Variants in ST6GALNAC5 observed in about 807,000 individuals in gnomAD.
ST6GALNAC5 encodes ST6 N-acetylgalactosaminide alpha-2,6-sialyltransferase 5.
Under a neutral mutation model 33.6 loss-of-function variants are expected in ST6GALNAC5, and 27 were observed. The observed-to-expected ratio is 0.80, with a 90% CI of 0.59 to 1.11. The LOEUF (loss-of-function observed/expected upper bound fraction) is 1.11. ST6GALNAC5 is among the 50% of genes least tolerant of loss of function. The pLI is 0.00. For missense variants in ST6GALNAC5, 428 were observed against 454.0 expected (o/e 0.94, Z 0.52); for synonymous variants, 194 against 171.2 (o/e 1.13, Z -1.04).
chr1:76,902,764 G>A (rs1190741408), intron 2 of ST6GALNAC5, among the ~76,000 whole-genome samples: 1 of 152,052 alleles, frequency 6.6e-6, no homozygotes, highest in African/African-American at 2.4e-5. Context: ...AATTTAACAA[G>A]GGCACCATGG....
intron 2 of ST6GALNAC5, among the ~76,000 whole-genome samples, chr1:76,979,902 A>G (rs1649178495): frequency 1.3e-5 from 2 of 152,144 alleles, no homozygotes; most frequent in African/African-American, 4.8e-5. Context: ...AGCTTACCCC[A>G]TTGCACTCCA....
intron 2 of ST6GALNAC5, among the ~76,000 whole-genome samples, chr1:76,977,729 T>C (rs565939751): frequency 1.3e-5 from 2 of 152,360 alleles, no homozygotes; most frequent in African/African-American, 2.4e-5. Context: ...CATCTATGGA[T>C]AGGCATTTAG....
chr1:76,932,347 G>A (rs1359846523), intron 2 of ST6GALNAC5, among the ~76,000 whole-genome samples: 2 of 152,100 alleles, frequency 1.3e-5, no homozygotes, highest in Non-Finnish European at 2.9e-5. Context: ...TCTGACTAGA[G>A]GGGAGGAAAC....
chr1:76,915,479 C>G (rs1308878873), intron 2 of ST6GALNAC5, among the ~76,000 whole-genome samples: 2 of 152,078 alleles, frequency 1.3e-5, no homozygotes, highest in East Asian at 1.9e-4. Flanking sequence ...TTAAGAAAAT[C>G]TGGCATATAT....
At chr1:77,057,021 AG>A (rs2100478152) in intron 4 of ST6GALNAC5, among the ~76,000 whole-genome samples, 1 of 152,352 alleles carries the variant, frequency 6.6e-6, no homozygotes, top group African/African-American at 2.4e-5. Context: ...AGTGTCACCA[AG>A]CCCCCAGAGC....
intron 2 of ST6GALNAC5, among the ~76,000 whole-genome samples, chr1:76,983,860 C>G (rs954095309): frequency 6.6e-6 from 1 of 152,224 alleles, no homozygotes; most frequent in African/African-American, 2.4e-5. Flanking sequence ...AAGAAACTCA[C>G]TCAAAACCAC....
intron 2 of ST6GALNAC5, among the ~76,000 whole-genome samples, chr1:77,001,151 A>G (rs1467899534): frequency 1.1e-4 from 16 of 148,158 alleles, no homozygotes; most frequent in Non-Finnish European, 2.1e-4. Flanking sequence ...ATTTGTTTGT[A>G]TCCTCTTTTA....
chr1:76,869,670 C>A (rs1001892396), intron 2 of ST6GALNAC5, among the ~76,000 whole-genome samples: 1 of 152,102 alleles, frequency 6.6e-6, no homozygotes, highest in Non-Finnish European at 1.5e-5. Flanking sequence ...GTAGATGCTC[C>A]TTTTGTGTGC....
At chr1:76,993,432 A>G (rs1454471468) in intron 2 of ST6GALNAC5, among the ~76,000 whole-genome samples, 1 of 152,194 alleles carries the variant, frequency 6.6e-6, no homozygotes, top group Non-Finnish European at 1.5e-5. Context: ...CTTGGTACCC[A>G]TTAAACAGTT....
At chr1:77,027,655 C>T (rs1006069534) in intron 2 of ST6GALNAC5, among the ~76,000 whole-genome samples, 2 of 152,032 alleles carry the variant, frequency 1.3e-5, no homozygotes, top group African/African-American at 2.4e-5. Context: ...ATGTGACTCC[C>T]GGGTTTCTGG....
chr1:76,907,087 T>C (rs1646870570), intron 2 of ST6GALNAC5, among the ~76,000 whole-genome samples: 1 of 152,126 alleles, frequency 6.6e-6, no homozygotes, highest in African/African-American at 2.4e-5. Flanking sequence ...ACTATCATTC[T>C]ACCACTTGAC....
chr1:76,959,384 TA>T (rs1334690832), intron 2 of ST6GALNAC5, among the ~76,000 whole-genome samples: 1 of 152,244 alleles, frequency 6.6e-6, no homozygotes, highest in East Asian at 1.9e-4. Context: ...GTTTGCTTTT[TA>T]CATTTAACTC....
intron 2 of ST6GALNAC5, among the ~76,000 whole-genome samples, chr1:76,996,755 G>T (rs191922874): frequency 8.7e-4 from 132 of 152,232 alleles, no homozygotes; most frequent in Middle Eastern, 3.4e-3. Context: ...GAAAATACAG[G>T]CACTGAATAT....
At chr1:76,959,527 A>C (rs1188619938) in intron 2 of ST6GALNAC5, among the ~76,000 whole-genome samples, 1 of 152,214 alleles carries the variant, frequency 6.6e-6, no homozygotes, top group African/African-American at 2.4e-5. Flanking sequence ...TAGAGAAATG[A>C]GGGGCAAGCT....
chr1:77,001,667 A>G (rs1315717280), intron 2 of ST6GALNAC5, among the ~76,000 whole-genome samples: 1 of 151,934 alleles, frequency 6.6e-6, no homozygotes, highest in Non-Finnish European at 1.5e-5. Context: ...ACCTCCCATC[A>G]ATACCTAATT....
chr1:77,008,713 A>G (rs957081932), intron 2 of ST6GALNAC5, among the ~76,000 whole-genome samples: 1 of 152,190 alleles, frequency 6.6e-6, no homozygotes, highest in East Asian at 1.9e-4. Flanking sequence ...TATTTTGAGT[A>G]GAGACTGGGT....
At position 77,042,680 on chromosome 1, in the gene ST6GALNAC5, G is replaced by T. The variant is rs547258044; in HGVS notation, c.262-1524G>T. Among the ~76,000 whole-genome samples, 10 of 152,342 alleles carry T rather than the reference G, an allele frequency of 6.6e-5. No homozygotes were observed. In the South Asian group the frequency reaches 2.1e-3, roughly 32 times the overall value. ...ATCCTAATAGCACCTAACATTTAGT[G>T]AATGATCACTATGACAATCCTATGC... On this transcript the variant is annotated intron_variant, in intron 2 of 4. Coordinates refer to ENST00000477717, the MANE Select transcript of ST6GALNAC5 (RefSeq NM_030965.3).
At position 76,974,773 on chromosome 1, in the gene ST6GALNAC5, C is replaced by CTTTTTTTTTTTTTTTTTTTTTTTTTT. The variant is rs60357939; in HGVS notation, c.262-69430_262-69405dup. ...ATATCTGTAAGTTTTTTCTTTCTTT[C>CTTTTTTTTTTTTTTTTTTTTTTTTTT]TTTTTTTTTTTTTTTTTTTTTTTTT... On this transcript the variant is annotated intron_variant, in intron 2 of 4. Coordinates refer to ENST00000477717, the MANE Select transcript of ST6GALNAC5 (RefSeq NM_030965.3). 2.3e-4 allele frequency among the ~76,000 whole-genome samples: 8 copies of CTTTTTTTTTTTTTTTTTTTTTTTTTT among 35,240 alleles called. 2 individuals carry two copies. The highest frequency in any genetic ancestry group is 9.3e-4 in the Admixed American group (2 of 2,148). The allele number at this position is 35,240 out of a possible 152,430, so 23.1% of individuals were successfully genotyped here.
rs560601056 is a variant in ST6GALNAC5, at chr1:77,017,242, A to G, written c.262-26962A>G. Among the ~76,000 whole-genome samples, 17 of 152,168 alleles carry G rather than the reference A, an allele frequency of 1.1e-4. No individual in the cohort carries two copies. The East Asian group carries it at 2.9e-3, about 26-fold the overall frequency. ...GGGACACTTCTAGTGAGTGCATCTGACATCAATTTCTATTCTTCAGCATCG... is the reference window on the plus strand; with the variant it reads ...GGGACACTTCTAGTGAGTGCATCTGGCATCAATTTCTATTCTTCAGCATCG... On this transcript the variant is annotated intron_variant, in intron 2 of 4. Coordinates refer to ENST00000477717, the MANE Select transcript of ST6GALNAC5 (RefSeq NM_030965.3).
Sources: allele counts gnomAD v4.1 joint callset (sites outside exome capture counted in the v4.1 genomes callset), GRCh38; gene constraint gnomAD v4.1.1; transcripts MANE v1.5; gene names NCBI Gene and HGNC (gene_info 2026-07-23, HGNC 2026-07-21).